PBRM1: variants seen among roughly 807,000 people sequenced by gnomAD.
PBRM1 encodes polybromo 1, also known as protein polybromo-1.
PBRM1 carries 27 observed loss-of-function variants against 194.5 expected under a neutral mutation model. The ratio of observed to expected loss-of-function variants is 0.14; its 90% CI spans 0.10 to 0.19. The LOEUF is 0.19. Ranked by LOEUF, PBRM1 falls within the 10% of genes least tolerant of loss-of-function variation. The pLI is 1.00. For missense variants in PBRM1, 1,466 were observed against 2,077.2 expected (o/e 0.71, Z 5.72); for synonymous variants, 655 against 693.2 (o/e 0.94, Z 0.87).
chr3:52,671,974 G>A (rs1022500376), intron 2 of PBRM1, among the ~76,000 whole-genome samples: 1 of 152,140 alleles, frequency 6.6e-6, no homozygotes, highest in Non-Finnish European at 1.5e-5. Context: ...TACAGCTGCT[G>A]TAACAAATTA....
intron 3 of PBRM1, among the ~76,000 whole-genome samples, chr3:52,664,412 G>GAAAAAAA (rs58727570): frequency 4.0e-5 from 4 of 101,162 alleles, no homozygotes; most frequent in African/African-American, 1.1e-4. Flanking sequence ...TGAAAGAACT[G>GAAAAAAA]AAAAAAAAAA....
chr3:52,612,608 A>G (rs2094694736), intron 15 of PBRM1, among the ~76,000 whole-genome samples: 1 of 152,126 alleles, frequency 6.6e-6, no homozygotes, highest in South Asian at 2.1e-4. Flanking sequence ...CATGGGTTTA[A>G]GAGTATAACA....
At position 52,644,694 on chromosome 3, in the gene PBRM1, T is replaced by G. The variant is rs781644510; in HGVS notation, c.899+10A>C. 25 of 1,441,784 alleles carry G rather than the reference T, an allele frequency of 1.7e-5. No homozygotes were observed. The South Asian group carries it at 2.9e-4, about 17-fold the overall frequency. The allele number at this position is 1,441,784 out of a possible 1,614,324, so 89.3% of individuals were successfully genotyped here. A position where few individuals can be genotyped will look rare whatever the true frequency, so the allele number is the denominator to read the frequency against. Reference sequence around the variant, plus strand: ...CACCACGCCCAGCCTAGACATTTTCTTAAACCTACCTCATTCGAAGACTTG... The same window carrying G: ...CACCACGCCCAGCCTAGACATTTTCGTAAACCTACCTCATTCGAAGACTTG... On this transcript the variant is annotated intron_variant, in intron 8 of 29. Coordinates refer to ENST00000296302, the Ensembl canonical transcript of PBRM1.
At chr3:52,659,443 T>C (rs1459832414) in intron 4 of PBRM1, among the ~76,000 whole-genome samples, 2 of 152,154 alleles carry the variant, frequency 1.3e-5, no homozygotes, top group Non-Finnish European at 2.9e-5. Context: ...AACACTTTTT[T>C]TTCCTCCCCA....
chr3:52,623,738 T>C (rs547024390), intron 13 of PBRM1, among the ~76,000 whole-genome samples: 1 of 152,298 alleles, frequency 6.6e-6, no homozygotes, highest in Non-Finnish European at 1.5e-5. Context: ...GTTTTTCAGA[T>C]AAAGTTGAAA....
At chr3:52,613,478 G>A (rs2094767123) in intron 15 of PBRM1, among the ~76,000 whole-genome samples, 1 of 151,680 alleles carries the variant, frequency 6.6e-6, no homozygotes, top group African/African-American at 2.4e-5. Context: ...TAGGACCACA[G>A]GTACATGCAT....
At position 52,619,039 on chromosome 3, in the gene PBRM1, GGGCTCGGCT is replaced by G. The variant is rs1182503037; in HGVS notation, c.1542-1510_1542-1502del. On this transcript the variant is annotated intron_variant, in intron 13 of 29. Coordinates refer to ENST00000296302, the Ensembl canonical transcript of PBRM1. ...GCTGGGATTACAGACTTGAGCCATC[GGGCTCGGCT>G]GTGCCCGGCTAATTTTTGTATTTTT... 2.0e-5 allele frequency among the ~76,000 whole-genome samples: 3 copies of G among 152,178 alleles called. No individual in the cohort carries two copies. In the East Asian group the frequency reaches 5.8e-4, roughly 29 times the overall value.
intron 27 of PBRM1, among the ~76,000 whole-genome samples, chr3:52,551,327 C>G (rs2080940514): frequency 6.6e-6 from 1 of 152,200 alleles, no homozygotes; most frequent in South Asian, 2.1e-4. Context: ...CCTCCCAGAC[C>G]ATCAGCAGCT....
chr3:52,589,553 T>C (rs1044573512), intron 17 of PBRM1, among the ~76,000 whole-genome samples: 16 of 152,182 alleles, frequency 1.1e-4, no homozygotes, highest in Admixed American at 5.9e-4. Flanking sequence ...TTTTGGATAA[T>C]ATCGAAAGGC....
At chr3:52,572,202 G>C (rs555156213) in intron 22 of PBRM1, among the ~76,000 whole-genome samples, 1 of 150,840 alleles carries the variant, frequency 6.6e-6, no homozygotes, top group Non-Finnish European at 1.5e-5. Flanking sequence ...CCTTACTGAG[G>C]ACAGTTTTTA....
At chr3:52,575,417 C>T (rs999625216) in intron 22 of PBRM1, among the ~76,000 whole-genome samples, 6 of 151,762 alleles carry the variant, frequency 4.0e-5, no homozygotes, top group Non-Finnish European at 8.8e-5. Flanking sequence ...GAAGGCACAG[C>T]CCATTCATAA....
intron 2 of PBRM1, among the ~76,000 whole-genome samples, chr3:52,672,036 G>A (rs992267055): frequency 1.3e-5 from 2 of 152,182 alleles, no homozygotes; most frequent in African/African-American, 4.8e-5. Context: ...TAGTTCTAGA[G>A]GTCAGAAGTC....
chr3:52,576,515 T>A (rs1381041006), intron 22 of PBRM1, 26 bp downstream of exon 24: 1 of 1,570,274 alleles, frequency 6.4e-7, no homozygotes, highest in East Asian at 2.3e-5. Flanking sequence ...ATAAACACGA[T>A]TAAATAAAAA....
intron 22 of PBRM1, 36 bp from the exon 25 acceptor site, chr3:52,564,269 A>C: frequency 6.9e-7 from 1 of 1,449,198 alleles, no homozygotes; most frequent in East Asian, 2.3e-5. Flanking sequence ...TAAAGGAGTA[A>C]ACTGTGGTCA....
At chr3:52,571,303 A>G (rs1394774340) in intron 22 of PBRM1, among the ~76,000 whole-genome samples, 2 of 144,062 alleles carry the variant, frequency 1.4e-5, no homozygotes, top group Admixed American at 1.4e-4. Flanking sequence ...AGCCTGGACG[A>G]CAGAACGAGA....
intron 15 of PBRM1, among the ~76,000 whole-genome samples, chr3:52,613,231 A>C (rs2094745263): frequency 6.6e-6 from 1 of 152,170 alleles, no homozygotes; most frequent in Admixed American, 6.5e-5. Flanking sequence ...ATTTGTTTTA[A>C]AATAATTTAG....
At chr3:52,552,041 G>C (rs975532141) in intron 27 of PBRM1, 2 of 152,152 alleles carry the variant, frequency 1.3e-5, no homozygotes, top group African/African-American at 4.8e-5. Context: ...TTAAAAAGCA[G>C]GGAGTTTTAT....
chr3:52,638,996 G>T (rs1043565723), intron 10 of PBRM1, among the ~76,000 whole-genome samples: 1 of 116,356 alleles, frequency 8.6e-6, no homozygotes, highest in African/African-American at 3.2e-5. Context: ...TGGGGGGGGG[G>T]GGCGGGGGAC....
intron 26 of PBRM1, among the ~76,000 whole-genome samples, chr3:52,557,806 C>T (rs1433802128): frequency 3.9e-5 from 6 of 152,126 alleles, no homozygotes; most frequent in Admixed American, 1.3e-4. Flanking sequence ...TCCTTTTAAA[C>T]GGTCAGTCTT....
Sources: gnomAD v4.1 joint callset for allele counts (sites outside exome capture counted in the v4.1 genomes callset) on GRCh38, gnomAD v4.1.1 for gene constraint, MANE v1.5 for transcripts, NCBI Gene and HGNC (gene_info 2026-07-23, HGNC 2026-07-21) for gene names.